The following MALRD1 variants were observed in gnomAD, a reference collection of about 807,000 sequenced individuals.
MALRD1 encodes the protein MAM and LDL receptor class A domain containing 1, also known as MAM and LDL-receptor class A domain-containing protein 1.
MALRD1 carries 247 observed loss-of-function variants against 242.1 expected under a neutral mutation model. That is an observed-to-expected ratio of 1.02 (90% CI 0.92 to 1.13). The LOEUF (loss-of-function observed/expected upper bound fraction) is 1.13, where lower values mean the gene tolerates loss of function less well. Ranked by LOEUF, MALRD1 falls within the 50% of genes most tolerant of loss-of-function variation. The probability of loss-of-function intolerance (pLI) is 0.00; values close to 1 mark genes in which losing one functional copy is unlikely to be tolerated. For synonymous variants in MALRD1, 995 were observed against 866.6 expected (o/e 1.15, Z -2.60); for missense variants, 2,989 against 2,533.1 (o/e 1.18, Z -3.86).
At chr10:19,331,269 C>CA in intron 23 of MALRD1, 100 bp from the exon 24 acceptor site, 1 of 1,033,600 alleles carries the variant, frequency 9.7e-7, no homozygotes, top group Non-Finnish European at 1.4e-6. Context: ...AAACAAACAA[C>CA]AAAAAACAGA....
chr10:19,256,764 G>T (rs1320029487), intron 18 of MALRD1, among the ~76,000 whole-genome samples: 1 of 151,910 alleles, frequency 6.6e-6, no homozygotes, highest in African/African-American at 2.4e-5. Context: ...TAATGTTTGT[G>T]GTAATTTTCA....
chr10:19,489,536 T>C, intron 29 of MALRD1: 1 of 569,838 alleles, frequency 1.8e-6, no homozygotes, highest in Non-Finnish European at 3.0e-6. Flanking sequence ...AAGGAGGGAA[T>C]CCCATCTCAT....
intron 36 of MALRD1, among the ~76,000 whole-genome samples, chr10:19,687,396 A>G (rs1842621589): frequency 6.6e-6 from 1 of 152,272 alleles, no homozygotes; most frequent in South Asian, 2.1e-4. Context: ...GACTCAGACA[A>G]TGGTTCAGCA....
chr10:19,689,985 T>C (rs1318724954), intron 36 of MALRD1, among the ~76,000 whole-genome samples: 1 of 152,094 alleles, frequency 6.6e-6, no homozygotes, highest in Admixed American at 6.5e-5. Flanking sequence ...CTATTAAAAT[T>C]TATAGAAGGT....
At chr10:19,726,180 A>G (rs1204882954) in intron 38 of MALRD1, among the ~76,000 whole-genome samples, 1 of 152,222 alleles carries the variant, frequency 6.6e-6, no homozygotes, top group African/African-American at 2.4e-5. Flanking sequence ...ACAAAATGGT[A>G]GAAAATATTC....
At chr10:19,404,132 A>G (rs1381986523) in intron 28 of MALRD1, among the ~76,000 whole-genome samples, 1 of 152,078 alleles carries the variant, frequency 6.6e-6, no homozygotes. Flanking sequence ...AACACAAAAT[A>G]CAATGGGAGC....
chr10:19,281,998 C>T (rs1166010980), intron 20 of MALRD1, among the ~76,000 whole-genome samples: 1 of 142,574 alleles, frequency 7.0e-6, no homozygotes, highest in Non-Finnish European at 1.5e-5. Context: ...GAACACATAA[C>T]ATGAGATCTA....
rs539030268 is a variant in MALRD1 at position 19,275,525 on chromosome 10, C to T, written c.3080-4522C>T. On this transcript the variant is annotated intron_variant, in intron 19 of 39. Coordinates refer to ENST00000454679, the MANE Select transcript of MALRD1 (RefSeq NM_001142308.3). ...CTACTAAAAATACAAAAAAATTAGC[C>T]TGGCGTGGTGGCGGGCGCCTGTAGT... 6.6e-4 allele frequency among the ~76,000 whole-genome samples: 100 copies of T among 152,200 alleles called. No individual in the cohort carries two copies. In the South Asian group the frequency reaches 0.02, roughly 31 times the overall value.
At chr10:19,547,818 A>ATATATATATATATATATT (rs1564431908) in intron 32 of MALRD1, among the ~76,000 whole-genome samples, 2 of 16,920 alleles carry the variant, frequency 1.2e-4, no homozygotes, top group Non-Finnish European at 2.1e-4. Context: ...ATATATATAT[A>ATATATATATATATATATT]TTTTTTTTTT....
Position 19,107,565 on chromosome 10 carries a change from C to CTT in MALRD1, c.694+3503_694+3504dup, listed in dbSNP as rs201379420. On this transcript the variant is annotated intron_variant, in intron 5 of 39. Coordinates refer to ENST00000454679, the MANE Select transcript of MALRD1 (RefSeq NM_001142308.3). ...TCTTCTAGGCAGCATATAATTTGGTCTTTTTTTTTTTTTTAATCTACTCAT... is the reference window on the plus strand; with the variant it reads ...TCTTCTAGGCAGCATATAATTTGGTCTTTTTTTTTTTTTTTTAATCTACTCAT... Among the ~76,000 whole-genome samples the CTT allele has an allele frequency of 3.3e-3, 430 of 132,306 alleles. 1 individual carries two copies. Among genetic ancestry groups the CTT allele is most frequent in the African/African-American group, 0.011 (390 of 37,134 alleles). The allele number at this position is 132,306 out of a possible 152,430, so 86.8% of individuals were successfully genotyped here.
At chr10:19,489,540 A>G (rs1441757489) in intron 29 of MALRD1, 3 of 593,582 alleles carry the variant, frequency 5.1e-6, no homozygotes, top group Non-Finnish European at 8.4e-6. Flanking sequence ...AGGGAATCCC[A>G]TCTCATCCTA....
intron 33 of MALRD1, among the ~76,000 whole-genome samples, chr10:19,577,504 C>G (rs1158855865): frequency 6.6e-6 from 1 of 152,060 alleles, no homozygotes; most frequent in Non-Finnish European, 1.5e-5. Flanking sequence ...TACTTGGTTG[C>G]CTGCTGATCA....
At chr10:19,139,068 A>C (rs1375639754) in intron 10 of MALRD1, among the ~76,000 whole-genome samples, 1 of 152,236 alleles carries the variant, frequency 6.6e-6, no homozygotes, top group Non-Finnish European at 1.5e-5. Context: ...AATATGTCAT[A>C]AAAATGTAGC....
At position 19,352,016 on chromosome 10, in the gene MALRD1, A is replaced by G; in HGVS notation, c.4160A>G (p.His1387Arg). 1.3e-6 allele frequency: 2 copies of G among 1,546,328 alleles called. No individual in the cohort carries two copies. Among genetic ancestry groups the G allele is most frequent in the Non-Finnish European group, 1.7e-6 (2 of 1,143,462 alleles). ...KRSKNCKIIF[H>R]YHMYGNGIGA... ...TATTCTTGATTACAGATTATTTTTC[A>G]TTATCACATGTATGGAAATGGCATT... Residue 1387 changes from histidine (H) to arginine (R), a missense_variant, in exon 26 of 40, where the codon CAT (histidine) becomes CGT (arginine). His to Arg is a conservative substitution (Grantham distance 29). Coordinates refer to ENST00000454679, the MANE Select transcript of MALRD1 (RefSeq NM_001142308.3).
intron 21 of MALRD1, among the ~76,000 whole-genome samples, chr10:19,291,969 C>T (rs565071097): frequency 6.6e-6 from 1 of 150,822 alleles, no homozygotes; most frequent in East Asian, 2.0e-4. Flanking sequence ...GCCTGTAATC[C>T]CAGTTACTCA....
chr10:19,726,727 A>C lies in MALRD1; in HGVS notation c.6315-3979A>C, dbSNP rs141952504. 6.8e-4 allele frequency among the ~76,000 whole-genome samples: 104 copies of C among 152,350 alleles called. 1 individual carries two copies. The highest frequency in any genetic ancestry group is 2.3e-3 in the African/African-American group (94 of 41,586). ...CCATCAACAGGTGAATGAATAAACAAAATGTGACATATACATGCAAGGGAA... is the reference window on the plus strand; with the variant it reads ...CCATCAACAGGTGAATGAATAAACACAATGTGACATATACATGCAAGGGAA... On this transcript the variant is annotated intron_variant, in intron 38 of 39. Coordinates refer to ENST00000454679, the MANE Select transcript of MALRD1 (RefSeq NM_001142308.3).
intron 17 of MALRD1, among the ~76,000 whole-genome samples, chr10:19,205,540 T>A: frequency 6.6e-6 from 1 of 151,648 alleles, no homozygotes; most frequent in African/African-American, 2.4e-5. Flanking sequence ...GACAAATATC[T>A]AAATATTTAA....
rs1326974 is a variant in MALRD1, at chr10:19,664,288, G to C, written c.6138-27994G>C. 2.0e-5 allele frequency among the ~76,000 whole-genome samples: 3 copies of C among 152,088 alleles called. No individual in the cohort carries two copies. In the East Asian group the frequency reaches 5.8e-4, roughly 29 times the overall value. On this transcript the variant is annotated intron_variant, in intron 36 of 39. Coordinates refer to ENST00000454679, the MANE Select transcript of MALRD1 (RefSeq NM_001142308.3). ...AGATTGTTAATTTAATGATTAATTA[G>C]ATCTAATTTAATTTCTTTTGCTTTG...
At position 19,370,788 on chromosome 10, in the gene MALRD1, G is replaced by C. The variant is rs141170720; in HGVS notation, c.4442-16740G>C. On this transcript the variant is annotated intron_variant, in intron 26 of 39. Transcript: ENST00000454679. The stretch of plus-strand genomic sequence containing the variant: ...GACTCGATTTTGCCCCATTGGTCTG[G>C]CTGGACTCAAACTCCTGACCTCAAG... Among the ~76,000 whole-genome samples the C allele has an allele frequency of 2.7e-3, 418 of 152,046 alleles. 4 individuals carry two copies. Among genetic ancestry groups the C allele is most frequent in the African/African-American group, 9.7e-3 (403 of 41,490 alleles).
Sources: gnomAD v4.1 joint callset for allele counts (sites outside exome capture counted in the v4.1 genomes callset) on GRCh38, gnomAD v4.1.1 for gene constraint, MANE v1.5 for transcripts, NCBI Gene and HGNC (gene_info 2026-07-23, HGNC 2026-07-21) for gene names.